Variants in SLC49A4 observed in about 807,000 individuals in gnomAD.
SLC49A4 encodes the protein disrupted in renal cancer protein 2.
A neutral mutation model predicts 50.6 loss-of-function variants in SLC49A4; 36 were observed. The ratio of observed to expected loss-of-function variants is 0.71; its 90% CI spans 0.55 to 0.94. The LOEUF is 0.94. Ranked by LOEUF, SLC49A4 falls within the 40% of genes least tolerant of loss-of-function variation. The probability of loss-of-function intolerance (pLI) is 0.00; values close to 1 mark genes in which losing one functional copy is unlikely to be tolerated. For synonymous variants in SLC49A4, 248 were observed against 241.2 expected (o/e 1.03, Z -0.26); for missense variants, 503 against 605.7 (o/e 0.83, Z 1.78).
At chr3:122,814,439 T>A (rs1269596980) in intron 2 of SLC49A4, among the ~76,000 whole-genome samples, 1 of 152,180 alleles carries the variant, frequency 6.6e-6, no homozygotes, top group Admixed American at 6.5e-5. Context: ...AGATAACTTA[T>A]AAGTAACATG....
chr3:122,808,229 T>C (rs918535826), intron 2 of SLC49A4, among the ~76,000 whole-genome samples: 3 of 152,214 alleles, frequency 2.0e-5, no homozygotes, highest in Admixed American at 6.5e-5. Context: ...CATGACATAC[T>C]ATGTTTGTGA....
chr3:122,846,803 C>T (rs1936859573), intron 5 of SLC49A4, among the ~76,000 whole-genome samples: 1 of 152,118 alleles, frequency 6.6e-6, no homozygotes, highest in African/African-American at 2.4e-5. Context: ...ATATCTTTTT[C>T]TTGTGACATA....
chr3:122,795,106 T>A lies in SLC49A4; in HGVS notation c.-87T>A, dbSNP rs1935989375. The A allele has an allele frequency of 8.2e-7, 1 of 1,223,374 alleles. No individual in the cohort carries two copies. Among genetic ancestry groups the A allele is most frequent in the Non-Finnish European group, 1.0e-6 (1 of 981,106 alleles). 75.8% of individuals were successfully genotyped at this position (1,223,374 alleles called of 1,614,324 possible). On this transcript the variant is annotated 5_prime_UTR_variant, in exon 1 of 9. Transcript: ENST00000261038. ...GAGGGCGACCACAGCAGCCTCCGCC[T>A]CCTGCTGCTCAGGACTATTCTGCGC...
intron 4 of SLC49A4, among the ~76,000 whole-genome samples, chr3:122,836,500 C>A (rs150284987): frequency 0.087 from 13,248 of 152,070 alleles, 641 homozygotes; most frequent in Non-Finnish European, 0.12. Flanking sequence ...CAGGATGATG[C>A]TGGCCTCATA....
At chr3:122,825,517 A>G (rs1056986881) in intron 2 of SLC49A4, among the ~76,000 whole-genome samples, 1 of 151,644 alleles carries the variant, frequency 6.6e-6, no homozygotes, top group Non-Finnish European at 1.5e-5. Context: ...CCTAATTCAC[A>G]TATTTCACTT....
intron 7 of SLC49A4, among the ~76,000 whole-genome samples, chr3:122,864,813 A>C (rs893738829): frequency 6.6e-6 from 1 of 152,216 alleles, no homozygotes; most frequent in African/African-American, 2.4e-5. Context: ...CAGGAGTTTG[A>C]GATCAGCCTG....
intron 4 of SLC49A4, among the ~76,000 whole-genome samples, chr3:122,844,312 A>G (rs1438911341): frequency 6.6e-6 from 1 of 152,102 alleles, no homozygotes; most frequent in Non-Finnish European, 1.5e-5. Context: ...GCCTCAAGTT[A>G]TTCTCCTACC....
intron 1 of SLC49A4, among the ~76,000 whole-genome samples, chr3:122,796,787 G>T (rs1443917846): frequency 6.6e-6 from 1 of 152,210 alleles, no homozygotes; most frequent in Non-Finnish European, 1.5e-5. Context: ...GGAGGCTGGG[G>T]TGGGAGGATT....
At chr3:122,796,145 C>T (rs577614199) in intron 1 of SLC49A4, among the ~76,000 whole-genome samples, 1 of 152,296 alleles carries the variant, frequency 6.6e-6, no homozygotes, top group South Asian at 2.1e-4. Context: ...AAGATGCTTG[C>T]TTAGAATGGT....
At chr3:122,817,747 A>AT (rs77819385) in intron 2 of SLC49A4, among the ~76,000 whole-genome samples, 4,073 of 71,902 alleles carry the variant, frequency 0.057, 622 homozygotes, top group East Asian at 0.15. Context: ...CACCCAGCTA[A>AT]TTTTTTTTTT....
At chr3:122,808,977 A>G (rs16833546) in intron 2 of SLC49A4, among the ~76,000 whole-genome samples, 6,208 of 152,228 alleles carry the variant, frequency 0.041, 415 homozygotes, top group African/African-American at 0.14. Context: ...TGGCACAGAC[A>G]TGAGGGGAAG....
In SLC49A4 at chr3:122,879,616, TG is replaced by T. The variant is rs1937308533; in HGVS notation, c.*242del. On this transcript the variant is annotated 3_prime_UTR_variant, in exon 9 of 9. Transcript: ENST00000261038. The stretch of plus-strand genomic sequence containing the variant: ...CAGATGGCATACCTGTGCCTGCTTC[TG>T]GGGTTGGAAGTGTGACTTCTTACAC... The T allele has an allele frequency of 5.5e-6, 2 of 360,408 alleles. No individual in the cohort carries two copies. Among genetic ancestry groups the T allele is most frequent in the Non-Finnish European group, 1.0e-5 (2 of 200,696 alleles). 22.3% of individuals were successfully genotyped at this position (360,408 alleles called of 1,614,324 possible).
intron 3 of SLC49A4, among the ~76,000 whole-genome samples, chr3:122,831,567 A>C (rs2107567384): frequency 6.6e-6 from 1 of 152,298 alleles, no homozygotes; most frequent in South Asian, 2.1e-4. Flanking sequence ...ATAATACTCA[A>C]ATCTATAGGG....
At chr3:122,873,183 CTT>C (rs11297324) in intron 8 of SLC49A4, among the ~76,000 whole-genome samples, 7 of 145,740 alleles carry the variant, frequency 4.8e-5, no homozygotes, top group East Asian at 2.0e-4. Context: ...AATTTTGAAA[CTT>C]TTTTTTTTTT....
At chr3:122,817,557 AGTGTGT>A (rs551410619) in intron 2 of SLC49A4, among the ~76,000 whole-genome samples, 8 of 151,058 alleles carry the variant, frequency 5.3e-5, no homozygotes, top group African/African-American at 1.9e-4. Context: ...AGAGAGAGAG[AGTGTGT>A]GTGTGTGTAT....
intron 1 of SLC49A4, among the ~76,000 whole-genome samples, chr3:122,797,494 A>G (rs1267530267): frequency 3.3e-5 from 5 of 152,218 alleles, no homozygotes; most frequent in African/African-American, 9.7e-5. Context: ...ATGTAACTCA[A>G]AGCAATACAA....
intron 2 of SLC49A4, among the ~76,000 whole-genome samples, chr3:122,822,353 G>C (rs1442756671): frequency 2.6e-5 from 4 of 152,170 alleles, no homozygotes; most frequent in Non-Finnish European, 5.9e-5. Flanking sequence ...AAAGTGGAGA[G>C]ACTTTTTAGT....
rs540200482 is a variant in SLC49A4 at position 122,817,311 on chromosome 3, G to A, written c.438-9489G>A. Among the ~76,000 whole-genome samples the A allele has an allele frequency of 6.6e-5, 10 of 152,266 alleles. No homozygotes were observed. In the East Asian group the frequency reaches 1.7e-3, roughly 27 times the overall value. On this transcript the variant is annotated intron_variant, in intron 2 of 8. Coordinates refer to ENST00000261038, the MANE Select transcript of SLC49A4 (RefSeq NM_032839.3). ...CAGAGGAAGAGGGCCCTGAGCCAACGAATGCGGGCGGCCACTACAAGCTGG... is the reference window on the plus strand; with the variant it reads ...CAGAGGAAGAGGGCCCTGAGCCAACAAATGCGGGCGGCCACTACAAGCTGG...
intron 7 of SLC49A4, among the ~76,000 whole-genome samples, chr3:122,866,414 A>G (rs1351375890): frequency 6.6e-6 from 1 of 152,106 alleles, no homozygotes; most frequent in Non-Finnish European, 1.5e-5. Context: ...ATCTACTTAA[A>G]TGAACTTTAG....
Sources: gnomAD v4.1 joint callset for allele counts (sites outside exome capture counted in the v4.1 genomes callset) on GRCh38, gnomAD v4.1.1 for gene constraint, MANE v1.5 for transcripts, NCBI Gene and HGNC (gene_info 2026-07-23, HGNC 2026-07-21) for gene names.